MINDY4: variants seen among roughly 807,000 people sequenced by gnomAD.
MINDY4 encodes MINDY lysine 48 deubiquitinase 4.
MINDY4 carries 68 observed loss-of-function variants against 87.0 expected under a neutral mutation model. The observed-to-expected ratio is 0.78, with a 90% CI of 0.64 to 0.96. The LOEUF (loss-of-function observed/expected upper bound fraction) is 0.96, where lower values mean the gene tolerates loss of function less well. Among genes scored for constraint, MINDY4 ranks in the 40% least tolerant of loss-of-function variants. The probability of loss-of-function intolerance (pLI) is 0.00; values close to 1 mark genes in which losing one functional copy is unlikely to be tolerated. For missense variants in MINDY4, 919 were observed against 928.2 expected (o/e 0.99, Z 0.13); for synonymous variants, 379 against 363.2 (o/e 1.04, Z -0.50).
chr7:30,782,209 C>G lies in MINDY4; in HGVS notation c.416C>G (p.Ala139Gly). 6.2e-7 allele frequency: 1 copy of G among 1,608,510 alleles called. No homozygotes were observed. Among genetic ancestry groups the G allele is most frequent in the South Asian group, 1.1e-5 (1 of 90,440 alleles). The change falls in exon 3 of 18, where the codon GCC (alanine) becomes GGC (glycine). Residue 139 changes from alanine (A) to glycine (G), a missense_variant. Transcript: ENST00000265299. ...WRTSLSETSK[A>G]RHDNLDGDVL... Reference sequence around the variant, plus strand: ...ACATCATTGTCAGAAACAAGCAAAGCCAGGTATCTTTTCCCATTATTATGT... The same window carrying G: ...ACATCATTGTCAGAAACAAGCAAAGGCAGGTATCTTTTCCCATTATTATGT...
intron 1 of MINDY4, among the ~76,000 whole-genome samples, chr7:30,776,387 T>C (rs1231768303): frequency 6.6e-6 from 1 of 152,220 alleles, no homozygotes; most frequent in Non-Finnish European, 1.5e-5. Flanking sequence ...GCCTGCTCTT[T>C]TGATTCCCTC....
rs865788674 is a variant in MINDY4 at position 30,840,998 on chromosome 7, A to G, written c.1445+150A>G. On this transcript the variant is annotated intron_variant, in intron 9 of 17. Coordinates refer to ENST00000265299, the MANE Select transcript of MINDY4 (RefSeq NM_032222.3). ...AGAGGTTAATGGCAGCTAGCTGACA[A>G]GGCCTGCGCAGACCAGTGTTAAGGG... 7.3e-6 allele frequency: 5 copies of G among 686,678 alleles called. No individual in the cohort carries two copies. The Middle Eastern group carries it at 7.9e-4, about 108-fold the overall frequency. 42.5% of individuals were successfully genotyped at this position (686,678 alleles called of 1,614,324 possible).
intron 13 of MINDY4, among the ~76,000 whole-genome samples, chr7:30,860,702 G>C (rs748362556): frequency 1.3e-5 from 2 of 152,098 alleles, no homozygotes; most frequent in African/African-American, 4.8e-5. Flanking sequence ...GGGAGTGGGC[G>C]CCTTGTTACA....
At chr7:30,791,074 C>A in intron 4 of MINDY4, 91 bp from the exon 5 acceptor site, 1 of 1,212,938 alleles carries the variant, frequency 8.2e-7, no homozygotes, top group Non-Finnish European at 1.2e-6. Flanking sequence ...CTGGGAGAGA[C>A]ATCACATCAT....
At chr7:30,819,776 T>C (rs1584273698) in intron 5 of MINDY4, among the ~76,000 whole-genome samples, 1 of 152,292 alleles carries the variant, frequency 6.6e-6, no homozygotes, top group Non-Finnish European at 1.5e-5. Flanking sequence ...AATCTGTTTT[T>C]ATCTGATAGC....
At chr7:30,777,691 AAC>A (rs1452253750) in intron 1 of MINDY4, among the ~76,000 whole-genome samples, 15 of 152,216 alleles carry the variant, frequency 9.9e-5, no homozygotes, top group African/African-American at 3.6e-4. Context: ...GAACACCCCT[AAC>A]ACCAGGCTGA....
intron 5 of MINDY4, among the ~76,000 whole-genome samples, chr7:30,805,548 A>G (rs1787779043): frequency 6.6e-6 from 1 of 152,152 alleles, no homozygotes; most frequent in Non-Finnish European, 1.5e-5. Context: ...CGGAGTGGTC[A>G]GAGCAGAGCC....
intron 5 of MINDY4, chr7:30,803,341 C>T (rs1787714258): frequency 6.6e-6 from 1 of 152,116 alleles, no homozygotes; most frequent in Middle Eastern, 3.2e-3. Flanking sequence ...GGATTCTTGA[C>T]TTTGCTTGGA....
At chr7:30,783,377 G>A (rs1235976277) in intron 3 of MINDY4, among the ~76,000 whole-genome samples, 4 of 152,030 alleles carry the variant, frequency 2.6e-5, no homozygotes, top group South Asian at 4.1e-4. Flanking sequence ...TTAAGACTCC[G>A]AATTTAATCA....
chr7:30,870,809 C>G (rs1055524275), intron 13 of MINDY4, among the ~76,000 whole-genome samples: 4 of 152,224 alleles, frequency 2.6e-5, no homozygotes, highest in Admixed American at 6.5e-5. Flanking sequence ...CCCTTCCTAC[C>G]CCTGGGTCTC....
chr7:30,810,380 G>A (rs1176669842), intron 5 of MINDY4, among the ~76,000 whole-genome samples: 5 of 150,962 alleles, frequency 3.3e-5, no homozygotes. Context: ...GGTGTACAAG[G>A]AAAGTAAAAT....
chr7:30,821,299 G>C (rs372633996), intron 5 of MINDY4, among the ~76,000 whole-genome samples: 3 of 152,148 alleles, frequency 2.0e-5, no homozygotes, highest in African/African-American at 7.2e-5. Context: ...TTCAGTGAAG[G>C]TCTGTGATAC....
At chr7:30,859,562 C>A (rs183555800) in intron 13 of MINDY4, among the ~76,000 whole-genome samples, 3 of 152,322 alleles carry the variant, frequency 2.0e-5, no homozygotes, top group African/African-American at 7.2e-5. Context: ...CTGAAAGACA[C>A]GCCACCAGCC....
chr7:30,850,747 G>T (rs1202747749), intron 10 of MINDY4, among the ~76,000 whole-genome samples, 192 bp downstream of exon 10: 1 of 152,224 alleles, frequency 6.6e-6, no homozygotes, highest in East Asian at 1.9e-4. Context: ...CTTCCATGCG[G>T]CCCTGCGATG....
At chr7:30,850,995 G>T (rs1789398110) in intron 10 of MINDY4, among the ~76,000 whole-genome samples, 1 of 152,196 alleles carries the variant, frequency 6.6e-6, no homozygotes, top group South Asian at 2.1e-4. Context: ...TGTCACTTGG[G>T]TCCCCATCCC....
intron 5 of MINDY4, among the ~76,000 whole-genome samples, chr7:30,799,077 C>T (rs1415668488): frequency 6.6e-6 from 1 of 152,082 alleles, no homozygotes; most frequent in Non-Finnish European, 1.5e-5. Flanking sequence ...TTATGTCATG[C>T]ACTTCTTTGT....
chr7:30,880,455 C>T (rs1284609770), intron 15 of MINDY4, among the ~76,000 whole-genome samples: 1 of 152,118 alleles, frequency 6.6e-6, no homozygotes, highest in Non-Finnish European at 1.5e-5. Context: ...CAGCTTTTTT[C>T]CCTTAATCTC....
At chr7:30,840,519 C>T (rs576599289) in intron 8 of MINDY4, among the ~76,000 whole-genome samples, 5 of 152,332 alleles carry the variant, frequency 3.3e-5, no homozygotes, top group Admixed American at 1.3e-4. Context: ...GAGTCACTTT[C>T]CTCCCATGAC....
intron 5 of MINDY4, among the ~76,000 whole-genome samples, chr7:30,794,840 C>G (rs577851101): frequency 3.9e-5 from 6 of 152,160 alleles, no homozygotes; most frequent in Non-Finnish European, 5.9e-5. Context: ...AGTCCTCTAA[C>G]CCTCGTCTCT....
Sources: gnomAD v4.1 joint callset for allele counts (sites outside exome capture counted in the v4.1 genomes callset) on GRCh38, gnomAD v4.1.1 for gene constraint, MANE v1.5 for transcripts, NCBI Gene and HGNC (gene_info 2026-07-23, HGNC 2026-07-21) for gene names.